DYSF: variants seen among roughly 807,000 people sequenced by gnomAD.
DYSF encodes the protein dysferlin, also known as dystrophy-associated fer-1-like 1.
DYSF carries 212 observed loss-of-function variants against 274.9 expected under a neutral mutation model. The ratio of observed to expected loss-of-function variants is 0.77; its 90% CI spans 0.69 to 0.86. DYSF has a LOEUF of 0.86. Among genes scored for constraint, DYSF ranks in the 40% least tolerant of loss-of-function variants. The pLI is 0.00. For synonymous variants in DYSF, 1,091 were observed against 1,078.7 expected (o/e 1.01, Z -0.22); for missense variants, 2,666 against 2,783.2 (o/e 0.96, Z 0.95).
chr2:71,567,589 A>G (rs2092180127), intron 24 of DYSF, among the ~76,000 whole-genome samples: 1 of 152,240 alleles, frequency 6.6e-6, no homozygotes, highest in Admixed American at 6.5e-5. Context: ...TCATAGCAGA[A>G]AGTTCCATTG....
At chr2:71,527,865 C>G (rs1015314324) in intron 13 of DYSF, among the ~76,000 whole-genome samples, 1 of 151,458 alleles carries the variant, frequency 6.6e-6, no homozygotes, top group East Asian at 1.9e-4. Context: ...AAAAAAAAAA[C>G]AACAGAATTG....
At chr2:71,624,238 A>G (rs1466620896) in intron 41 of DYSF, among the ~76,000 whole-genome samples, 1 of 152,212 alleles carries the variant, frequency 6.6e-6, no homozygotes, top group Admixed American at 6.5e-5. Flanking sequence ...GCATCCTAGA[A>G]CAGCTGTGGA....
Position 71,511,892 on chromosome 2 carries a change from C to A in DYSF, c.431C>A (p.Pro144Gln), listed in dbSNP as rs139654844. 6.8e-5 allele frequency: 105 copies of A among 1,551,282 alleles called. No homozygotes were observed. In the African/African-American group the frequency reaches 1.3e-3, roughly 19 times the overall value. Reference sequence around the variant, plus strand: ...CCCCCTACTCCTCTGGAGCCCTCCCCGACTCTGCCTGACCTGGATGTAGTG... The same window carrying A: ...CCCCCTACTCCTCTGGAGCCCTCCCAGACTCTGCCTGACCTGGATGTAGTG... ...FPPPTPLEPS[P>Q]TLPDLDVVAG... Residue 144 changes from proline (P) to glutamine (Q), a missense_variant, in exon 5 of 56, where the codon CCG (proline) becomes CAG (glutamine). Physicochemically the swap from Pro to Gln is moderately conservative, Grantham distance 76. Around this residue, in one of 3 missense-constraint regions of DYSF, gnomAD observed 794 missense variants for 777.1 expected, o/e 1.02. Transcript: ENST00000410020.
In DYSF at chr2:71,600,799, C is replaced by T. The variant is rs759487846; in HGVS notation, c.3854C>T (p.Ser1285Leu). ...CCACTGACGAGGGGCAGCCAGCCGT[C>T]GGGGGAGCTGCTGGCCTCTTTTGAG... is the stretch of plus-strand genomic sequence containing the variant. Reference protein sequence around the residue: ...WFPLTRGSQPSGELLASFELI... With the variant: ...WFPLTRGSQPLGELLASFELI... Residue 1285 changes from serine to leucine, a missense_variant, in exon 34 of 56, where the codon TCG becomes TTG. Transcript: ENST00000410020. 22 of 1,613,306 alleles carry T rather than the reference C, an allele frequency of 1.4e-5. No homozygotes were observed. In the South Asian group the frequency reaches 1.4e-4, roughly 10 times the overall value.
chr2:71,524,240 G>A (rs747059565), intron 12 of DYSF, among the ~76,000 whole-genome samples: 1 of 152,158 alleles, frequency 6.6e-6, no homozygotes, highest in Non-Finnish European at 1.5e-5. Context: ...CCAGCCCTTT[G>A]GTAGTCTAAT....
intron 30 of DYSF, among the ~76,000 whole-genome samples, chr2:71,586,657 A>T (rs1395277886): frequency 6.6e-6 from 1 of 152,046 alleles, no homozygotes; most frequent in Admixed American, 6.5e-5. Context: ...AGAACCTCAG[A>T]CAGAGGCCTT....
intron 38 of DYSF, among the ~76,000 whole-genome samples, chr2:71,611,928 C>G (rs550040458): frequency 6.2e-4 from 95 of 152,182 alleles, no homozygotes; most frequent in African/African-American, 2.2e-3. Context: ...CTGGAGCGCC[C>G]TTGGGGACCT....
chr2:71,547,236 C>T lies in DYSF; in HGVS notation c.1577-3805C>T, dbSNP rs575267775. 4.6e-5 allele frequency among the ~76,000 whole-genome samples: 7 copies of T among 152,328 alleles called. No individual in the cohort carries two copies. In the East Asian group the frequency reaches 5.8e-4, roughly 13 times the overall value. ...ACCTTCACACCCAGAGACTGCGATC[C>T]GCCCCCAAGTCAGGAGTCATTGACC... On this transcript the variant is annotated intron_variant, in intron 17 of 55. Coordinates refer to ENST00000410020, the MANE Select transcript of DYSF (RefSeq NM_001130987.2).
intron 55 of DYSF, among the ~76,000 whole-genome samples, chr2:71,683,764 G>A (rs4852820): frequency 6.6e-6 from 1 of 152,238 alleles, no homozygotes; most frequent in Non-Finnish European, 1.5e-5. Context: ...TGGCAGACAG[G>A]CTGCTTGGGG....
intron 42 of DYSF, among the ~76,000 whole-genome samples, chr2:71,651,340 A>C (rs1001635517): frequency 1.3e-5 from 2 of 152,164 alleles, no homozygotes; most frequent in Non-Finnish European, 1.5e-5. Flanking sequence ...CAAAATCCGC[A>C]ATGAAAACAG....
chr2:71,502,739 G>A (rs909210446), intron 3 of DYSF, among the ~76,000 whole-genome samples: 5 of 152,290 alleles, frequency 3.3e-5, no homozygotes, highest in African/African-American at 9.6e-5. Context: ...AGACAGGAAG[G>A]TTTCCTTGCT....
At chr2:71,622,736 C>T (rs1159748048) in intron 41 of DYSF, among the ~76,000 whole-genome samples, 2 of 152,188 alleles carry the variant, frequency 1.3e-5, no homozygotes, top group African/African-American at 2.4e-5. Flanking sequence ...TTGCCTCAGC[C>T]TCCTGAGTAG....
chr2:71,612,247 G>T (rs1337256146), intron 38 of DYSF, among the ~76,000 whole-genome samples: 1 of 152,196 alleles, frequency 6.6e-6, no homozygotes, highest in Admixed American at 6.5e-5. Context: ...AGTGCTTTTG[G>T]GGTGTGTGGG....
intron 28 of DYSF, 102 bp from the exon 29 acceptor site, chr2:71,570,497 T>C: frequency 6.5e-7 from 1 of 1,528,242 alleles, no homozygotes; most frequent in East Asian, 2.4e-5. Context: ...CGAGAGTCAG[T>C]GGCCGCTCAA....
chr2:71,475,639 T>G (rs983972899), intron 1 of DYSF, among the ~76,000 whole-genome samples: 22 of 151,910 alleles, frequency 1.4e-4, no homozygotes, highest in African/African-American at 5.3e-4. Flanking sequence ...GGAAGGAAAC[T>G]CACATGTAAT....
At chr2:71,658,751 C>T (rs536585996) in intron 43 of DYSF, 127 bp from the exon 44 acceptor site, 1 of 1,143,302 alleles carries the variant, frequency 8.7e-7, no homozygotes, top group African/African-American at 1.5e-5. Context: ...TTATCTCCTC[C>T]TGGGTCCCTC....
intron 32 of DYSF, among the ~76,000 whole-genome samples, chr2:71,594,565 T>C (rs1245224545): frequency 6.6e-6 from 1 of 152,142 alleles, no homozygotes; most frequent in African/African-American, 2.4e-5. Flanking sequence ...TCCAAATTGC[T>C]CAGCAGGAAT....
At chr2:71,571,857 CCACACACAGATCACACCCAG>C (rs2092490552) in intron 29 of DYSF, among the ~76,000 whole-genome samples, 2 of 111,506 alleles carry the variant, frequency 1.8e-5, no homozygotes, top group African/African-American at 7.4e-5. Context: ...ATCACACCCA[CCACACACAGATCACACCCAG>C]CACACACAGC....
intron 45 of DYSF, among the ~76,000 whole-genome samples, chr2:71,663,121 GCTGA>G (rs1468528174): frequency 2.2e-5 from 2 of 91,558 alleles, no homozygotes; most frequent in African/African-American, 6.8e-5. Context: ...TCCTGCTCTG[GCTGA>G]CCTCTGAGGT....
Sources: gnomAD v4.1 joint callset for allele counts (sites outside exome capture counted in the v4.1 genomes callset) on GRCh38, gnomAD v4.1.1 for gene constraint, gnomAD v4.1.1 regional missense constraint, MANE v1.5 for transcripts, NCBI Gene and HGNC (gene_info 2026-07-23, HGNC 2026-07-21) for gene names.